RGS12: variants seen among roughly 807,000 people sequenced by gnomAD.
The protein encoded by RGS12 is regulator of G-protein signaling 12.
RGS12 carries 66 observed loss-of-function variants against 120.1 expected under a neutral mutation model. The ratio of observed to expected loss-of-function variants is 0.55; its 90% CI spans 0.45 to 0.67. RGS12 has a LOEUF of 0.67. Among genes scored for constraint, RGS12 ranks in the 30% least tolerant of loss-of-function variants. RGS12 has a pLI of 0.00. For missense variants in RGS12, 1,859 were observed against 1,957.7 expected, an observed-to-expected ratio of 0.95 and a Z score of 0.95; for synonymous variants, 827 against 804.7, an observed-to-expected ratio of 1.03 and a Z score of -0.47.
intron 3 of RGS12, among the ~76,000 whole-genome samples, chr4:3,363,464 C>T (rs1273890509): frequency 6.6e-6 from 1 of 151,932 alleles, no homozygotes; most frequent in African/African-American, 2.4e-5. Flanking sequence ...GGTTAGTTGA[C>T]TCCCGGTAAG....
chr4:3,373,931 A>G (rs1717338702), intron 3 of RGS12, among the ~76,000 whole-genome samples: 1 of 152,208 alleles, frequency 6.6e-6, no homozygotes, highest in Admixed American at 6.5e-5. Flanking sequence ...CCTTCTTTTC[A>G]TTAAGAAATT....
chr4:3,394,609 T>TTAAA (rs1162093894), intron 4 of RGS12, among the ~76,000 whole-genome samples: 3 of 152,244 alleles, frequency 2.0e-5, no homozygotes, highest in African/African-American at 7.2e-5. Flanking sequence ...GTGACACTAT[T>TTAAA]TAAACACTTC....
At chr4:3,286,651 G>C in the RGS12 span, among the ~76,000 whole-genome samples, 2 of 152,228 alleles carry the variant, frequency 1.3e-5, no homozygotes, top group Non-Finnish European at 2.9e-5. Context: ...AGGGAGTGAG[G>C]AGGAATGAGG....
At chr4:3,439,313 G>A (rs1445821111) in intron 17 of RGS12, 142 bp from the exon 18 acceptor site, 6 of 829,592 alleles carry the variant, frequency 7.2e-6, no homozygotes, top group African/African-American at 5.1e-5. Flanking sequence ...ACAGCGGGAC[G>A]CCAGCTGCCT....
chr4:3,357,341 CTA>C (rs1423007663), intron 3 of RGS12, among the ~76,000 whole-genome samples: 3 of 152,096 alleles, frequency 2.0e-5, no homozygotes, highest in African/African-American at 7.2e-5. Flanking sequence ...CCTTTTTACT[CTA>C]TTGATATTAT....
At chr4:3,343,562 G>A (rs368733761) in intron 3 of RGS12, among the ~76,000 whole-genome samples, 2 of 152,090 alleles carry the variant, frequency 1.3e-5, no homozygotes, top group Admixed American at 1.3e-4. Context: ...GTCCTGCATT[G>A]GTGTGGGTGT....
intron 13 of RGS12, 149 bp downstream of exon 13, chr4:3,423,790 C>T: frequency 2.1e-6 from 2 of 949,728 alleles, no homozygotes; most frequent in South Asian, 3.4e-5. Context: ...GAGACAGCCT[C>T]TGCCATCCCC....
intron 3 of RGS12, among the ~76,000 whole-genome samples, chr4:3,362,763 G>T (rs1034388586): frequency 6.8e-6 from 1 of 148,104 alleles, no homozygotes; most frequent in African/African-American, 2.5e-5. Flanking sequence ...GTGAAGATGT[G>T]AGGGTGTGAG....
At chr4:3,416,506 T>G (rs1432956907) in intron 7 of RGS12, among the ~76,000 whole-genome samples, 1 of 152,220 alleles carries the variant, frequency 6.6e-6, no homozygotes, top group East Asian at 1.9e-4. Context: ...ATTCGAGACG[T>G]GCCTGTGCAT....
At chr4:3,286,383 A>G in the RGS12 span, among the ~76,000 whole-genome samples, 2 of 152,172 alleles carry the variant, frequency 1.3e-5, no homozygotes, top group Non-Finnish European at 2.9e-5. Flanking sequence ...CCGGCCCTGA[A>G]AGCTCCTGGC....
rs548896568 is a variant in RGS12 at position 3,381,959 on chromosome 4, C to T, written c.1999-4457C>T. Among the ~76,000 whole-genome samples, 146 of 152,314 alleles carry T rather than the reference C, an allele frequency of 9.6e-4. 1 individual carries two copies. Among genetic ancestry groups the T allele is most frequent in the African/African-American group, 3.4e-3 (141 of 41,560 alleles). On this transcript the variant is annotated intron_variant, in intron 3 of 17. Transcript: ENST00000336727. ...ACTGTGTAAACTGGGGTCCAGCCAC[C>T]TGTATGTGAAGGCCAGAGGCTTCCC... is the stretch of plus-strand genomic sequence containing the variant.
intron 4 of RGS12, chr4:3,413,145 C>T (rs1237294043): frequency 1.3e-5 from 1 of 79,704 alleles, no homozygotes; most frequent in Non-Finnish European, 2.6e-5. Context: ...CCACACTGCT[C>T]GCGTCAGGAG....
intron 4 of RGS12, among the ~76,000 whole-genome samples, chr4:3,386,829 A>T (rs1718905742): frequency 6.6e-6 from 1 of 152,244 alleles, no homozygotes. Flanking sequence ...CAATTCAGGA[A>T]ATTTGGGTGA....
At chr4:3,386,787 G>A (rs1435580992) in intron 4 of RGS12, among the ~76,000 whole-genome samples, 1 of 152,244 alleles carries the variant, frequency 6.6e-6, no homozygotes, top group East Asian at 1.9e-4. Flanking sequence ...AAACCAGCAA[G>A]TTAAGATTTC....
At position 3,317,839 on chromosome 4, in the gene RGS12, T is replaced by TA; in HGVS notation, c.1670dup (p.Tyr557Ter). Residue 557 changes from tyrosine (Y) to a stop codon, truncating the protein, a stop_gained and frameshift_variant, in exon 2 of 18, where the codon TAC becomes TAAC. Transcript: ENST00000336727. LOFTEE classifies it high-confidence loss of function. ...QCGHTSDQDSYTDSTDGWSSI... is the reference protein window; with the variant it reads ...QCGHTSDQDS ...CGGACACACCAGCGACCAGGACTCT[T>TA]ACACAGATTCCACCGATGGCTGGTC... 6.2e-7 allele frequency: 1 copy of TA among 1,613,578 alleles called. No homozygotes were observed. Among genetic ancestry groups the TA allele is most frequent in the Non-Finnish European group, 8.5e-7 (1 of 1,179,940 alleles).
chr4:3,297,429 C>T (rs3129311), intron 1 of RGS12, among the ~76,000 whole-genome samples: 1 of 152,304 alleles, frequency 6.6e-6, no homozygotes, highest in South Asian at 2.1e-4. Context: ...TTAAGACATT[C>T]TTTTTTTATT....
chr4:3,346,694 G>C (rs1713825595), intron 3 of RGS12, among the ~76,000 whole-genome samples: 1 of 152,200 alleles, frequency 6.6e-6, no homozygotes, highest in Non-Finnish European at 1.5e-5. Flanking sequence ...GAGTATTGCA[G>C]CTTTTCTTCA....
chr4:3,385,867 G>A (rs1244060726), intron 3 of RGS12: 2 of 157,970 alleles, frequency 1.3e-5, no homozygotes, highest in Non-Finnish European at 2.8e-5. Flanking sequence ...CTCCTCTGCT[G>A]CCACCCTGAG....
intron 3 of RGS12, among the ~76,000 whole-genome samples, chr4:3,373,284 T>C (rs1249907697): frequency 6.6e-6 from 1 of 152,184 alleles, no homozygotes; most frequent in East Asian, 1.9e-4. Context: ...TGGGCCAGGC[T>C]CCAGGGTCCC....
Sources: gnomAD v4.1 joint callset for allele counts (sites outside exome capture counted in the v4.1 genomes callset) on GRCh38, gnomAD v4.1.1 for gene constraint, MANE v1.5 for transcripts, NCBI Gene and HGNC (gene_info 2026-07-23, HGNC 2026-07-21) for gene names.